Variants in ALDH1L1 observed in about 807,000 individuals in gnomAD.
ALDH1L1 encodes cytosolic 10-formyltetrahydrofolate dehydrogenase.
A neutral mutation model predicts 101.1 loss-of-function variants in ALDH1L1; 68 were observed. The ratio of observed to expected loss-of-function variants is 0.67; its 90% CI spans 0.55 to 0.82. The LOEUF is 0.82. Ranked by LOEUF, ALDH1L1 falls within the 40% of genes least tolerant of loss-of-function variation. ALDH1L1 has a pLI of 0.00. For missense variants in ALDH1L1, 1,087 were observed against 1,172.7 expected (o/e 0.93, Z 1.07); for synonymous variants, 486 against 470.8 (o/e 1.03, Z -0.42).
chr3:126,131,710 C>T (rs1038948602), intron 12 of ALDH1L1, among the ~76,000 whole-genome samples, 176 bp from the exon 13 acceptor site: 4 of 152,384 alleles, frequency 2.6e-5, no homozygotes, highest in Non-Finnish European at 2.9e-5. Flanking sequence ...TTTACTCCAC[C>T]GGATAGCTGT....
At chr3:126,112,713 C>G in intron 19 of ALDH1L1, 69 bp downstream of exon 19, 1 of 1,472,626 alleles carries the variant, frequency 6.8e-7, no homozygotes, top group Non-Finnish European at 9.3e-7. Flanking sequence ...TCCCCTCCTC[C>G]AACCCCCTCC....
At chr3:126,160,521 G>A (rs1422537653) in intron 2 of ALDH1L1, 5 of 260,936 alleles carry the variant, frequency 1.9e-5, no homozygotes, top group Admixed American at 5.1e-5. Flanking sequence ...TGGACCCCCA[G>A]TTCAGAACAT....
At chr3:126,159,147 C>T (rs575181010) in intron 2 of ALDH1L1, among the ~76,000 whole-genome samples, 5 of 152,326 alleles carry the variant, frequency 3.3e-5, no homozygotes, top group East Asian at 1.9e-4. Flanking sequence ...CAGTCACAGT[C>T]GTTCCTTCTC....
At chr3:126,194,256 T>G (rs2081568738) in intron 1 of ALDH1L1, among the ~76,000 whole-genome samples, 1 of 152,228 alleles carries the variant, frequency 6.6e-6, no homozygotes, top group Admixed American at 6.5e-5. Flanking sequence ...ATTAGTATCA[T>G]TCACTAAATG....
intron 18 of ALDH1L1, 47 bp downstream of exon 18, chr3:126,114,510 C>T (rs186190073): frequency 7.0e-7 from 1 of 1,430,084 alleles, no homozygotes; most frequent in Non-Finnish European, 9.3e-7. Flanking sequence ...TCCCTACAGT[C>T]CCTGTTCCCG....
At chr3:126,174,320 G>A (rs938808466) in intron 1 of ALDH1L1, among the ~76,000 whole-genome samples, 1 of 152,204 alleles carries the variant, frequency 6.6e-6, no homozygotes, top group Non-Finnish European at 1.5e-5. Flanking sequence ...GTAAGCCACC[G>A]TGCCTGGCCA....
At chr3:126,150,382 G>A in intron 8 of ALDH1L1, 24 bp downstream of exon 8, 13 of 1,548,986 alleles carry the variant, frequency 8.4e-6, no homozygotes, top group Non-Finnish European at 1.0e-5. Flanking sequence ...CCAACTGGAT[G>A]GCAGCCCTGA....
intron 5 of ALDH1L1, among the ~76,000 whole-genome samples, chr3:126,154,900 C>T (rs891544301): frequency 3.9e-5 from 6 of 152,194 alleles, no homozygotes; most frequent in Non-Finnish European, 1.5e-5. Context: ...CCAGACCCTA[C>T]ACAGAGGCCC....
At position 126,158,995 on chromosome 3, in the gene ALDH1L1, C is replaced by A. The variant is rs541916931; in HGVS notation, c.128-356G>T. Among the ~76,000 whole-genome samples, 3 of 152,236 alleles carry A rather than the reference C, an allele frequency of 2.0e-5. No individual in the cohort carries two copies. In the South Asian group the frequency reaches 6.2e-4, roughly 32 times the overall value. On this transcript the variant is annotated intron_variant, in intron 2 of 22. Transcript: ENST00000393434. ...ACTGCTCACTCTGTGATGGGGACTG[C>A]CCCCCTGCAGATGGCATTTCTGCTT...
chr3:126,153,636 A>C, intron 6 of ALDH1L1, 55 bp from the exon 7 acceptor site: 2 of 1,578,636 alleles, frequency 1.3e-6, no homozygotes, highest in Non-Finnish European at 1.7e-6. Context: ...CCCCGAAGCC[A>C]GTAGCCCAGG....
intron 1 of ALDH1L1, among the ~76,000 whole-genome samples, chr3:126,177,347 A>C (rs923306157): frequency 4.6e-5 from 7 of 152,250 alleles, no homozygotes; most frequent in Non-Finnish European, 8.8e-5. Flanking sequence ...GTACCTCCAC[A>C]TCCATACAAC....
chr3:126,105,714 G>C lies in ALDH1L1; in HGVS notation c.2653+12C>G. ...ATAAATGAAAGCAACCCCACAGGCA[G>C]GAGTAGGTTACCTAGATCTTTGCCA... On this transcript the variant is annotated intron_variant, in intron 22 of 22. Coordinates refer to ENST00000393434, the MANE Select transcript of ALDH1L1 (RefSeq NM_012190.4). 2.5e-6 allele frequency: 4 copies of C among 1,614,158 alleles called. No homozygotes were observed. The highest frequency in any genetic ancestry group is 3.4e-6 in the Non-Finnish European group (4 of 1,179,974).
At chr3:126,137,267 T>C (rs2080466372) in intron 10 of ALDH1L1, among the ~76,000 whole-genome samples, 1 of 152,098 alleles carries the variant, frequency 6.6e-6, no homozygotes, top group African/African-American at 2.4e-5. Context: ...TGGGATATGA[T>C]CCTCCTCCTG....
upstream of ALDH1L1, among the ~76,000 whole-genome samples, chr3:126,185,701 G>T (rs1463284076): frequency 6.6e-6 from 1 of 152,050 alleles, no homozygotes; most frequent in Non-Finnish European, 1.5e-5. Flanking sequence ...GCAGACTGTG[G>T]GTTTCACTCT....
Position 126,146,363 on chromosome 3 carries a change from G to A in ALDH1L1, c.1076+472C>T, listed in dbSNP as rs77902851. On this transcript the variant is annotated intron_variant, in intron 9 of 22. Transcript: ENST00000393434. ...GCCCCCAGCTGACCTGGCAGATCCC[G>A]CCCTTATGTGAGCCCAGCTGACAGC... 7.5e-3 allele frequency among the ~76,000 whole-genome samples: 1,146 copies of A among 152,200 alleles called. 10 individuals are homozygous for A. Among genetic ancestry groups the A allele is most frequent in the African/African-American group, 0.027 (1,106 of 41,508 alleles).
At chr3:126,139,567 CT>C (rs2080522932) in intron 9 of ALDH1L1, among the ~76,000 whole-genome samples, 1 of 152,082 alleles carries the variant, frequency 6.6e-6, no homozygotes, top group South Asian at 2.1e-4. Flanking sequence ...GAAGGTACCC[CT>C]GAGGAAGATC....
At chr3:126,189,606 A>T (rs1190363239) in intron 1 of ALDH1L1, among the ~76,000 whole-genome samples, 2 of 152,058 alleles carry the variant, frequency 1.3e-5, no homozygotes, top group Non-Finnish European at 2.9e-5. Flanking sequence ...TTTCCAGAAG[A>T]CCTTGTCTTC....
At chr3:126,124,557 A>AG (rs3217578) in intron 15 of ALDH1L1, 106 bp from the exon 16 acceptor site, 511,394 of 903,822 alleles carry the variant, frequency 0.57, 147,671 homozygotes, top group African/African-American at 0.67. Flanking sequence ...GCAAGCTGGG[A>AG]GAGTAGCTGC....
chr3:126,111,288 A>G (rs1385354393), intron 19 of ALDH1L1, among the ~76,000 whole-genome samples: 1 of 152,228 alleles, frequency 6.6e-6, no homozygotes, highest in Non-Finnish European at 1.5e-5. Context: ...CGTGCATTTC[A>G]AGAGGCCTCT....
Sources: allele counts gnomAD v4.1 joint callset (sites outside exome capture counted in the v4.1 genomes callset), GRCh38; gene constraint gnomAD v4.1.1; transcripts MANE v1.5; gene names NCBI Gene and HGNC (gene_info 2026-07-23, HGNC 2026-07-21).